The following PALMD variants were observed in gnomAD, a reference collection of about 807,000 sequenced individuals.
The protein encoded by PALMD is paralemmin-like protein.
In PALMD, 42 loss-of-function variants were observed where a neutral mutation model predicts 56.2. The ratio of observed to expected loss-of-function variants is 0.75; its 90% CI spans 0.58 to 0.97. The LOEUF is 0.97. Among genes scored for constraint, PALMD ranks in the 50% least tolerant of loss-of-function variants. The pLI, the probability that PALMD is intolerant of heterozygous loss-of-function variation, is 0.00. For synonymous variants in PALMD, 242 were observed against 222.9 expected, an observed-to-expected ratio of 1.09 and a Z score of -0.76; for missense variants, 660 against 643.8, an observed-to-expected ratio of 1.03 and a Z score of -0.27.
chr1:99,667,097 G>A (rs1321813652), intron 2 of PALMD, among the ~76,000 whole-genome samples: 1 of 152,158 alleles, frequency 6.6e-6, no homozygotes, highest in Admixed American at 6.6e-5. Flanking sequence ...CACTGAATAT[G>A]TTTAAGTTAC....
intron 1 of PALMD, among the ~76,000 whole-genome samples, chr1:99,659,172 T>A (rs964347990): frequency 1.3e-5 from 2 of 152,226 alleles, no homozygotes; most frequent in African/African-American, 4.8e-5. Flanking sequence ...CTTATACTCT[T>A]AAGCATTGTG....
At chr1:99,671,450 T>C (rs1464954236) in intron 3 of PALMD, among the ~76,000 whole-genome samples, 1 of 152,182 alleles carries the variant, frequency 6.6e-6, no homozygotes, top group Non-Finnish European at 1.5e-5. Context: ...CTGCTGTGAA[T>C]ACAGAGTGCC....
At chr1:99,675,038 G>A (rs183966901) in intron 3 of PALMD, among the ~76,000 whole-genome samples, 69 of 152,240 alleles carry the variant, frequency 4.5e-4, no homozygotes, top group Admixed American at 2.8e-3. Context: ...ATGTCACTTC[G>A]TCCATTTAGA....
intron 3 of PALMD, among the ~76,000 whole-genome samples, chr1:99,678,966 T>TA (rs34330678): frequency 0.036 from 5,049 of 140,508 alleles, 103 homozygotes; most frequent in South Asian, 0.059. Context: ...CCTTGACTCT[T>TA]AAAAAAAAAA....
chr1:99,687,349 T>C lies in PALMD; in HGVS notation c.514+160T>C, dbSNP rs142012829. On this transcript the variant is annotated intron_variant, in intron 6 of 7. Transcript: ENST00000263174. ...TGAGTCACCGCATAGGTGAGGATAA[T>C]GAGGGTATAATAATAGCATTTATTC... Among the ~76,000 whole-genome samples, 240 of 152,270 alleles carry C rather than the reference T, an allele frequency of 1.6e-3. 5 individuals carry two copies. The East Asian group carries it at 0.041, about 26-fold the overall frequency.
At chr1:99,668,230 T>C (rs1653009805) in intron 3 of PALMD, 1 of 153,828 alleles carries the variant, frequency 6.5e-6, no homozygotes, top group Admixed American at 6.4e-5. Flanking sequence ...CAGCCTTCCA[T>C]ATGAATTTCT....
intron 1 of PALMD, among the ~76,000 whole-genome samples, chr1:99,660,398 C>T (rs1361090546): frequency 6.6e-6 from 1 of 152,076 alleles, no homozygotes; most frequent in African/African-American, 2.4e-5. Flanking sequence ...TTCCTTTTTT[C>T]AAATGGAAAT....
intron 3 of PALMD, among the ~76,000 whole-genome samples, chr1:99,676,299 CT>C (rs1177233542): frequency 4.0e-5 from 6 of 151,858 alleles, no homozygotes; most frequent in Admixed American, 1.3e-4. Flanking sequence ...CTTCTTCTTC[CT>C]TTTTTTTAAG....
In PALMD at chr1:99,675,030, G is replaced by A. The variant is rs924990188; in HGVS notation, c.251+7264G>A. 1.0e-3 allele frequency among the ~76,000 whole-genome samples: 157 copies of A among 152,156 alleles called. 1 individual carries two copies. The highest frequency in any genetic ancestry group is 3.8e-3 in the African/African-American group (156 of 41,436). ...ATCTTTTGTCTGCCATAAGGCAAAT[G>A]TCACTTCGTCCATTTAGACCACCCA... On this transcript the variant is annotated intron_variant, in intron 3 of 7. Transcript: ENST00000263174.
intron 1 of PALMD, among the ~76,000 whole-genome samples, chr1:99,659,144 A>G (rs754698679): frequency 3.9e-5 from 6 of 152,256 alleles, no homozygotes; most frequent in African/African-American, 7.2e-5. Flanking sequence ...TTAATCAATA[A>G]TATAACTAAA....
chr1:99,655,127 T>C (rs1652689541), intron 1 of PALMD, among the ~76,000 whole-genome samples: 1 of 152,124 alleles, frequency 6.6e-6, no homozygotes, highest in African/African-American at 2.4e-5. Context: ...AAAAGTTTCA[T>C]ACTAAGTCAA....
At chr1:99,655,933 CGCACACACACACACAT>C (rs529239781) in intron 1 of PALMD, among the ~76,000 whole-genome samples, 2,199 of 106,738 alleles carry the variant, frequency 0.021, 49 homozygotes, top group African/African-American at 0.065. Flanking sequence ...ATAACACACA[CGCACACACACACACAT>C]GCACACACAC....
intron 6 of PALMD, among the ~76,000 whole-genome samples, chr1:99,687,653 G>A (rs1433940615): frequency 6.6e-6 from 1 of 151,954 alleles, no homozygotes; most frequent in African/African-American, 2.4e-5. Flanking sequence ...GAGCAGAGAG[G>A]AAAACTTTGA....
intron 1 of PALMD, among the ~76,000 whole-genome samples, chr1:99,659,857 C>T (rs1389483212): frequency 6.6e-6 from 1 of 152,130 alleles, no homozygotes; most frequent in African/African-American, 2.4e-5. Context: ...CATCATATTA[C>T]CCCTGAGTGA....
At chr1:99,679,034 C>T (rs1338190257) in intron 3 of PALMD, among the ~76,000 whole-genome samples, 2 of 152,090 alleles carry the variant, frequency 1.3e-5, no homozygotes, top group East Asian at 3.9e-4. Context: ...GGTCCTAGCA[C>T]TTCCATCGAC....
intron 3 of PALMD, among the ~76,000 whole-genome samples, chr1:99,683,094 GAAAGAAAGAAAGAA>G (rs1557673942): frequency 6.8e-4 from 34 of 49,832 alleles, no homozygotes; most frequent in Admixed American, 9.6e-4. Flanking sequence ...GAGAGAGAAA[GAAAGAAAGAAAGAA>G]AGAAAGAAAG....
At chr1:99,653,747 C>A (rs1344003525) in intron 1 of PALMD, among the ~76,000 whole-genome samples, 1 of 152,112 alleles carries the variant, frequency 6.6e-6, no homozygotes, top group East Asian at 1.9e-4. Context: ...CCCCAAAAAA[C>A]CCTTTTCCAT....
At chr1:99,663,143 T>C (rs879348257) in intron 2 of PALMD, among the ~76,000 whole-genome samples, 5 of 152,180 alleles carry the variant, frequency 3.3e-5, no homozygotes, top group Admixed American at 6.5e-5. Flanking sequence ...AGCTGCACAC[T>C]CAAGGGGTCT....
At chr1:99,650,285 GAAAAAAAAAAAAAAAAAAAA>G (rs200081370) in intron 1 of PALMD, among the ~76,000 whole-genome samples, 59,700 of 118,068 alleles carry the variant, frequency 0.51, 13,697 homozygotes, top group Non-Finnish European at 0.55. Context: ...TGCTCATAAT[GAAAAAAAAAAAAAAAAAAAA>G]AAAAAAAAAA....
Sources: gnomAD v4.1 joint callset for allele counts (sites outside exome capture counted in the v4.1 genomes callset) on GRCh38, gnomAD v4.1.1 for gene constraint, MANE v1.5 for transcripts, NCBI Gene and HGNC (gene_info 2026-07-23, HGNC 2026-07-21) for gene names.